IKBKB: variants seen among roughly 807,000 people sequenced by gnomAD.
The protein encoded by IKBKB is inhibitor of nuclear factor kappa B kinase subunit beta, also known as inhibitor of nuclear factor kappa-B kinase subunit beta.
In IKBKB, 42 loss-of-function variants were observed where a neutral mutation model predicts 113.6. The observed-to-expected ratio is 0.37, with a 90% CI of 0.29 to 0.48. IKBKB has a LOEUF of 0.48. IKBKB is among the 20% of genes least tolerant of loss of function. IKBKB has a pLI of 0.99. For missense variants in IKBKB, 673 were observed against 939.7 expected (o/e 0.72, Z 3.71); for synonymous variants, 296 against 361.3 (o/e 0.82, Z 2.05).
chr8:42,331,701 C>G lies in IKBKB; in HGVS notation c.*722C>G, dbSNP rs202105886. 2 of 448,468 alleles carry G rather than the reference C, an allele frequency of 4.5e-6. No individual in the cohort carries two copies. Among genetic ancestry groups the G allele is most frequent in the Non-Finnish European group, 8.2e-6 (2 of 244,568 alleles). The allele number at this position is 448,468 out of a possible 1,614,324, so 27.8% of individuals were successfully genotyped here. A position where few individuals can be genotyped will look rare whatever the true frequency, so the allele number is the denominator to read the frequency against. On this transcript the variant is annotated 3_prime_UTR_variant, in exon 22 of 22. Transcript: ENST00000520810. ...TCTGCCAAGAGCGACTCATAGTAAC[C>G]AGGATGGGAGAGCAGCTGCCTTATT...
intron 5 of IKBKB, chr8:42,298,266 G>T (rs1814331314): frequency 1.0e-6 from 1 of 985,290 alleles, no homozygotes; most frequent in Non-Finnish European, 1.2e-6. Context: ...TCAGATCTTA[G>T]ATTGGAATCA....
chr8:42,293,393 C>T (rs200191425), intron 4 of IKBKB, 50 bp from the exon 5 acceptor site: 45 of 1,604,092 alleles, frequency 2.8e-5, no homozygotes, highest in Admixed American at 2.4e-4. Context: ...TGTGGATTTC[C>T]GGTGGTTTGT....
intron 7 of IKBKB, among the ~76,000 whole-genome samples, chr8:42,306,853 G>T (rs1318068139): frequency 6.6e-6 from 1 of 152,194 alleles, no homozygotes; most frequent in African/African-American, 2.4e-5. Flanking sequence ...ACTGAGTAGG[G>T]GTCAGAGCTC....
intron 5 of IKBKB, chr8:42,298,185 A>T (rs1814308854): frequency 2.0e-6 from 2 of 985,278 alleles, no homozygotes. Context: ...GGCACTCAAG[A>T]TTGCAGGGCA....
chr8:42,314,471 T>G, intron 9 of IKBKB, 42 bp downstream of exon 9: 1 of 1,305,412 alleles, frequency 7.7e-7, no homozygotes, highest in Non-Finnish European at 1.1e-6. Flanking sequence ...TCTTTCTTGC[T>G]TTTTTTAGAA....
chr8:42,293,818 G>T (rs541045951), intron 5 of IKBKB, among the ~76,000 whole-genome samples: 3 of 152,192 alleles, frequency 2.0e-5, no homozygotes, highest in Non-Finnish European at 4.4e-5. Context: ...TGGAATGGCC[G>T]GCGCTGGAAT....
intron 8 of IKBKB, among the ~76,000 whole-genome samples, chr8:42,312,174 C>A (rs1297567920): frequency 6.6e-6 from 1 of 152,230 alleles, no homozygotes; most frequent in Admixed American, 6.5e-5. Flanking sequence ...GCGTGAGCCA[C>A]CGCGCCCGGC....
intron 21 of IKBKB, 85 bp from the exon 22 acceptor site, chr8:42,330,829 T>G: frequency 6.2e-7 from 1 of 1,606,416 alleles, no homozygotes; most frequent in Non-Finnish European, 8.5e-7. Context: ...TATTTCTCAA[T>G]TGTCCTGATT....
At chr8:42,304,587 G>A (rs1816118463) in intron 5 of IKBKB, among the ~76,000 whole-genome samples, 1 of 152,204 alleles carries the variant, frequency 6.6e-6, no homozygotes, top group South Asian at 2.1e-4. Flanking sequence ...GTAAGTCTGT[G>A]TAGGGCTGTC....
rs536248570 is a variant in IKBKB at position 42,321,757 on chromosome 8, A to G, written c.1689-139A>G. The stretch of plus-strand genomic sequence containing the variant: ...TGTAATCCCAGCACCTTGGGATGCC[A>G]AGGCAAGAAGATTGCTTGTGAGCCC... On this transcript the variant is annotated intron_variant, in intron 16 of 21. Coordinates refer to ENST00000520810, the MANE Select transcript of IKBKB (RefSeq NM_001556.3). The G allele has an allele frequency of 1.8e-5, 11 of 625,594 alleles. No homozygotes were observed. In the African/African-American group the frequency reaches 1.8e-4, roughly 10 times the overall value. The allele number at this position is 625,594 out of a possible 1,614,324, so 38.8% of individuals were successfully genotyped here.
intron 2 of IKBKB, among the ~76,000 whole-genome samples, chr8:42,282,274 T>C (rs1047279673): frequency 6.6e-6 from 1 of 152,204 alleles, no homozygotes; most frequent in Non-Finnish European, 1.5e-5. Context: ...GGTCTCGCTC[T>C]ATTGCCCAGC....
intron 12 of IKBKB, 32 bp downstream of exon 12, chr8:42,317,803 T>TAAAA: frequency 7.0e-7 from 1 of 1,425,708 alleles, no homozygotes; most frequent in Non-Finnish European, 9.9e-7. Flanking sequence ...TTTTTCTAAA[T>TAAAA]AATCCGTTAT....
At chr8:42,318,782 C>G in intron 13 of IKBKB, 107 bp downstream of exon 13, 1 of 1,092,322 alleles carries the variant, frequency 9.2e-7, no homozygotes, top group Non-Finnish European at 1.3e-6. Flanking sequence ...CCGTTATGAG[C>G]AACAAAAGGA....
intron 5 of IKBKB, 152 bp from the exon 6 acceptor site, chr8:42,305,035 G>A (rs976617802): frequency 6.5e-6 from 4 of 619,260 alleles, no homozygotes; most frequent in African/African-American, 3.7e-5. Context: ...TAAGCCTCAC[G>A]TAGCAGGGCC....
intron 8 of IKBKB, among the ~76,000 whole-genome samples, chr8:42,311,576 AAAG>A (rs1482259600): frequency 1.3e-5 from 2 of 151,496 alleles, no homozygotes; most frequent in African/African-American, 4.8e-5. Context: ...AAAAAAAAAA[AAAG>A]AAAAAAGAAA....
intron 2 of IKBKB, among the ~76,000 whole-genome samples, chr8:42,281,699 A>G (rs1018736979): frequency 6.6e-6 from 1 of 152,148 alleles, no homozygotes; most frequent in Non-Finnish European, 1.5e-5. Context: ...CCTCCTGCCC[A>G]GTCTCTCTGG....
At chr8:42,309,313 T>A (rs1433576648) in intron 8 of IKBKB, 2 of 466,522 alleles carry the variant, frequency 4.3e-6, no homozygotes, top group African/African-American at 2.0e-5. Context: ...AGTAAGACTA[T>A]TGTATGAATA....
At chr8:42,325,533 G>T in intron 19 of IKBKB, 1 of 625,682 alleles carries the variant, frequency 1.6e-6, no homozygotes, top group Non-Finnish European at 2.0e-6. Flanking sequence ...ACAAAAATTA[G>T]CTGGGTGTAG....
At chr8:42,294,286 C>T (rs1345832420) in intron 5 of IKBKB, among the ~76,000 whole-genome samples, 2 of 152,234 alleles carry the variant, frequency 1.3e-5, no homozygotes, top group Non-Finnish European at 2.9e-5. Flanking sequence ...TTCATCCCTC[C>T]ACTACCTCAA....
Sources: allele counts gnomAD v4.1 joint callset (sites outside exome capture counted in the v4.1 genomes callset), GRCh38; gene constraint gnomAD v4.1.1; transcripts MANE v1.5; gene names NCBI Gene and HGNC (gene_info 2026-07-23, HGNC 2026-07-21).